Variants in PARD3B observed in about 807,000 individuals in gnomAD.
The protein encoded by PARD3B is partitioning defective 3 homolog B.
Under a neutral mutation model 130.2 loss-of-function variants are expected in PARD3B, and 103 were observed. The observed-to-expected ratio is 0.79, with a 90% confidence interval of 0.67 to 0.93. PARD3B has a LOEUF of 0.93. PARD3B is among the 40% of genes least tolerant of loss of function. The pLI is 0.00. For synonymous variants in PARD3B, 583 were observed against 553.2 expected (o/e 1.05, Z -0.76); for missense variants, 1,609 against 1,499.2 (o/e 1.07, Z -1.21).
rs561421565 is a variant in PARD3B at position 205,458,729 on chromosome 2, C to T, written c.3044+18057C>T. Among the ~76,000 whole-genome samples, 19 of 152,136 alleles carry T rather than the reference C, an allele frequency of 1.2e-4. No individual in the cohort carries two copies. The highest frequency in any genetic ancestry group is 3.6e-4 in the African/African-American group (15 of 41,436). ...TCATATTGTTTGATTTTCTTCTTCA[C>T]TTTAGTCATTTGGTCTTATCTCCTG... On this transcript the variant is annotated intron_variant, in intron 20 of 22. Transcript: ENST00000406610. The surrounding 1 kb of genome is among the most constrained non-coding windows in gnomAD (Gnocchi z 4.8).
At chr2:205,164,352 C>T (rs567980506) in intron 11 of PARD3B, among the ~76,000 whole-genome samples, 2 of 152,232 alleles carry the variant, frequency 1.3e-5, no homozygotes, top group South Asian at 4.1e-4. Context: ...CCTGTATTTT[C>T]AACTAAGCAG....
chr2:205,237,054 C>A (rs2125904814), intron 15 of PARD3B, among the ~76,000 whole-genome samples: 1 of 152,292 alleles, frequency 6.6e-6, no homozygotes. Context: ...TTTTCTTCAA[C>A]ACAGTGGTTG....
At chr2:205,447,995 C>G (rs990839355) in intron 20 of PARD3B, among the ~76,000 whole-genome samples, 2 of 152,216 alleles carry the variant, frequency 1.3e-5, no homozygotes, top group African/African-American at 2.4e-5. Flanking sequence ...ACCACCTTCA[C>G]TAACAAACAT....
chr2:205,192,375 T>A (rs1158525802), intron 14 of PARD3B, among the ~76,000 whole-genome samples: 5 of 152,162 alleles, frequency 3.3e-5, no homozygotes, highest in African/African-American at 7.2e-5. Context: ...TATAATGAGA[T>A]GAGCCACCAT....
chr2:205,215,330 G>A (rs1037005496), intron 15 of PARD3B, among the ~76,000 whole-genome samples: 42 of 151,266 alleles, frequency 2.8e-4, no homozygotes, highest in African/African-American at 9.5e-4. Flanking sequence ...ATTTGGAAAT[G>A]CCAACATTCT....
At chr2:205,213,310 C>A (rs1003879922) in intron 15 of PARD3B, among the ~76,000 whole-genome samples, 17 of 152,032 alleles carry the variant, frequency 1.1e-4, no homozygotes, top group African/African-American at 4.1e-4. Context: ...GATACTATAT[C>A]TTAGCACAGA....
At chr2:205,508,073 T>A (rs2050443130) in intron 21 of PARD3B, among the ~76,000 whole-genome samples, 1 of 152,186 alleles carries the variant, frequency 6.6e-6, no homozygotes, top group Non-Finnish European at 1.5e-5. Flanking sequence ...ATCTGATCCA[T>A]AAAGGTTGTA....
In PARD3B at chr2:204,673,061, G is replaced by A. The variant is rs930926894; in HGVS notation, c.121-13120G>A. 6.6e-6 allele frequency among the ~76,000 whole-genome samples: 1 copy of A among 152,164 alleles called. No homozygotes were observed. Among genetic ancestry groups the A allele is most frequent in the Middle Eastern group, 3.2e-3 (1 of 316 alleles). On this transcript the variant is annotated intron_variant, in intron 1 of 22. Coordinates refer to ENST00000406610, the MANE Select transcript of PARD3B (RefSeq NM_001302769.2). This position sits in a 1 kb window ranked among gnomAD's most constrained non-coding sequence, Gnocchi z 4.7. ...CAATCCAGTGAGGGTAGAGGATATT[G>A]TTCCCATTTATGAGTGGTAAATTTT...
intron 2 of PARD3B, among the ~76,000 whole-genome samples, chr2:204,828,391 C>T (rs2043674567): frequency 6.6e-6 from 1 of 152,174 alleles, no homozygotes; most frequent in Non-Finnish European, 1.5e-5. Flanking sequence ...TGATTCTCAA[C>T]CCTGGCTATG....
intron 1 of PARD3B, among the ~76,000 whole-genome samples, chr2:204,665,143 C>G (rs2125192373): frequency 6.6e-6 from 1 of 151,356 alleles, no homozygotes; most frequent in Middle Eastern, 3.4e-3. Flanking sequence ...TTCATCTCAG[C>G]TTTTCAAAAT....
In PARD3B at chr2:205,550,936, TG is replaced by T; in HGVS notation, c.3181-2387del. Among the ~76,000 whole-genome samples, 1 of 115,132 alleles carries T rather than the reference TG, an allele frequency of 8.7e-6. No homozygotes were observed. Among genetic ancestry groups the T allele is most frequent in the Admixed American group, 8.7e-5 (1 of 11,460 alleles). 75.5% of individuals were successfully genotyped at this position (115,132 alleles called of 152,430 possible). On this transcript the variant is annotated intron_variant, in intron 21 of 22. Transcript: ENST00000406610. This position sits in a 1 kb window ranked among gnomAD's most constrained non-coding sequence, Gnocchi z 4.5. ...ATACATATAATTATGTGTGTGTGTG[TG>T]TGTGTATATATATATGTGTATATAT...
At chr2:205,391,070 G>T (rs991236211) in intron 18 of PARD3B, among the ~76,000 whole-genome samples, 1 of 152,222 alleles carries the variant, frequency 6.6e-6, no homozygotes, top group Non-Finnish European at 1.5e-5. Context: ...TCTGTGGCCA[G>T]TGTGGAGCAA....
At chr2:205,228,855 C>A (rs1271438514) in intron 15 of PARD3B, among the ~76,000 whole-genome samples, 2 of 152,128 alleles carry the variant, frequency 1.3e-5, no homozygotes, top group African/African-American at 4.8e-5. Flanking sequence ...CTCACTGATT[C>A]TTTCTTTTGC....
In PARD3B at chr2:204,783,505, C is replaced by G. The variant is rs75280098; in HGVS notation, c.222+97223C>G. Among the ~76,000 whole-genome samples the G allele has an allele frequency of 7.3e-3, 1,116 of 152,252 alleles. 12 individuals are homozygous for G. Among genetic ancestry groups the G allele is most frequent in the African/African-American group, 0.025 (1,054 of 41,554 alleles). On this transcript the variant is annotated intron_variant, in intron 2 of 22. Transcript: ENST00000406610. ...CCAGATATAGATTAGGGCTTCAACA[C>G]TGAATTTTGAGGAACAGAATTCAGT...
At position 205,142,899 on chromosome 2, in the gene PARD3B, A is replaced by AATAAATAAATAG. The variant is rs1311414497; in HGVS notation, c.1435-15812_1435-15811insGATAAATAAATA. Reference sequence around the variant, plus strand: ...GTCTCAAAAAATAAATAAATAAATAAATAAATAAATAAGATAGGCAAGCTG... The same window carrying AATAAATAAATAG: ...GTCTCAAAAAATAAATAAATAAATAAATAAATAAATAGATAAATAAATAAGATAGGCAAGCTG... On this transcript the variant is annotated intron_variant, in intron 10 of 22. Coordinates refer to ENST00000406610, the MANE Select transcript of PARD3B (RefSeq NM_001302769.2). This position sits in a 1 kb window ranked among gnomAD's most constrained non-coding sequence, Gnocchi z 4.3. 6.6e-6 allele frequency among the ~76,000 whole-genome samples: 1 copy of AATAAATAAATAG among 151,760 alleles called. No individual in the cohort carries two copies. The highest frequency in any genetic ancestry group is 1.5e-5 in the Non-Finnish European group (1 of 67,968).
At chr2:205,512,543 A>C (rs557449014) in intron 21 of PARD3B, among the ~76,000 whole-genome samples, 10 of 152,292 alleles carry the variant, frequency 6.6e-5, no homozygotes, top group African/African-American at 2.4e-4. Flanking sequence ...CACATGAGAG[A>C]AACGTATTTT....
At chr2:205,370,650 A>T (rs1043029172) in intron 18 of PARD3B, among the ~76,000 whole-genome samples, 1 of 152,190 alleles carries the variant, frequency 6.6e-6, no homozygotes, top group Non-Finnish European at 1.5e-5. Flanking sequence ...TACTGCTAAG[A>T]ATTGCTCTTG....
At chr2:205,510,734 G>T (rs939243908) in intron 21 of PARD3B, among the ~76,000 whole-genome samples, 1 of 152,066 alleles carries the variant, frequency 6.6e-6, no homozygotes, top group Non-Finnish European at 1.5e-5. Context: ...CCAGTTAAGC[G>T]CTTAAAATAG....
At chr2:204,891,699 C>T (rs1194170389) in intron 2 of PARD3B, among the ~76,000 whole-genome samples, 1 of 152,176 alleles carries the variant, frequency 6.6e-6, no homozygotes, top group Non-Finnish European at 1.5e-5. Flanking sequence ...TTACTCTTGT[C>T]ACCATTATAC....
Sources: gnomAD v4.1 joint callset for allele counts (sites outside exome capture counted in the v4.1 genomes callset) on GRCh38, gnomAD v4.1.1 for gene constraint, Gnocchi (gnomAD v3.1) non-coding constraint, MANE v1.5 for transcripts, NCBI Gene and HGNC (gene_info 2026-07-23, HGNC 2026-07-21) for gene names.